Variants in ABHD5 observed in about 807,000 individuals in gnomAD.
ABHD5 encodes the protein 1-acylglycerol-3-phosphate O-acyltransferase ABHD5.
Under a neutral mutation model 44.9 loss-of-function variants are expected in ABHD5, and 30 were observed. The ratio of observed to expected loss-of-function variants is 0.67; its 90% confidence interval spans 0.50 to 0.91. ABHD5 has a LOEUF of 0.91. Among genes scored for constraint, ABHD5 ranks in the 40% least tolerant of loss-of-function variants. ABHD5 has a pLI of 0.00. For missense variants in ABHD5, 399 were observed against 423.4 expected (o/e 0.94, Z 0.50); for synonymous variants, 167 against 147.0 (o/e 1.14, Z -0.99).
intron 4 of ABHD5, 121 bp downstream of exon 4, chr3:43,711,984 T>G: frequency 1.5e-6 from 2 of 1,300,676 alleles, no homozygotes; most frequent in Non-Finnish European, 2.2e-6. Context: ...CTTTTTCTCC[T>G]CTTCCTCTAA....
chr3:43,703,439 A>G (rs1264831717), intron 3 of ABHD5, among the ~76,000 whole-genome samples: 3 of 152,224 alleles, frequency 2.0e-5, no homozygotes, highest in Admixed American at 6.5e-5. Context: ...TCGGCCTCCC[A>G]AAGTGCTGGG....
Position 43,711,829 on chromosome 3 carries a change from C to CAA in ABHD5, c.627_628insAA (p.Pro210AsnfsTer3). On this transcript the variant is annotated frameshift_variant, in exon 4 of 7. Coordinates refer to ENST00000644371, the MANE Select transcript of ABHD5 (RefSeq NM_016006.6). LOFTEE classifies it high-confidence loss of function. ...TGGGAGCAGCATTGACTCCCTTTAACCCTTTAGCTGGCCTAAGGATTGCAG... is the reference window on the plus strand; with the variant it reads ...TGGGAGCAGCATTGACTCCCTTTAACAACCTTTAGCTGGCCTAAGGATTGCAG... 1 of 1,614,168 alleles carries CAA rather than the reference C, an allele frequency of 6.2e-7. No individual in the cohort carries two copies. The highest frequency in any genetic ancestry group is 8.5e-7 in the Non-Finnish European group (1 of 1,180,026).
chr3:43,705,440 TTTC>T (rs2149598272), intron 3 of ABHD5, among the ~76,000 whole-genome samples: 1 of 152,212 alleles, frequency 6.6e-6, no homozygotes, highest in East Asian at 1.9e-4. Context: ...AGTGAGAATG[TTTC>T]TTCTAACATT....
At position 43,711,798 on chromosome 3, in the gene ABHD5, G is replaced by C; in HGVS notation, c.596G>C (p.Arg199Thr). Residue 199 changes from arginine to threonine, a missense_variant, in exon 4 of 7, where the codon AGA (arginine) becomes ACA (threonine). Arg to Thr is a moderately conservative substitution (Grantham distance 71). Transcript: ENST00000644371. Reference sequence around the variant, plus strand: ...GACAGACCAATTCCAGTTTGGATCAGAGCCTTGGGAGCAGCATTGACTCCC... The same window carrying C: ...GACAGACCAATTCCAGTTTGGATCACAGCCTTGGGAGCAGCATTGACTCCC... ...DQDRPIPVWI[R>T]ALGAALTPFN... The C allele has an allele frequency of 6.2e-7, 1 of 1,614,224 alleles. No individual in the cohort carries two copies. Among genetic ancestry groups the C allele is most frequent in the Non-Finnish European group, 8.5e-7 (1 of 1,180,040 alleles).
intron 4 of ABHD5, among the ~76,000 whole-genome samples, chr3:43,714,052 A>G (rs1389332370): frequency 1.3e-5 from 2 of 151,972 alleles, no homozygotes; most frequent in Non-Finnish European, 2.9e-5. Context: ...TGTGACTAGA[A>G]GAAAGCTTCT....
rs910162690 is a variant in ABHD5, at chr3:43,717,945, G to A, written c.960+88G>A. The stretch of plus-strand genomic sequence containing the variant: ...AAAAGAGGTTTTAGGTCATCCTCGT[G>A]TTGCAGGTCATCTGAGCCATACCTG... On this transcript the variant is annotated intron_variant, in intron 6 of 6. Transcript: ENST00000644371. The A allele has an allele frequency of 5.2e-6, 8 of 1,551,508 alleles. No individual in the cohort carries two copies. In the South Asian group the frequency reaches 7.9e-5, roughly 15 times the overall value.
At chr3:43,700,202 GA>G (rs1384546187) in intron 2 of ABHD5, among the ~76,000 whole-genome samples, 1 of 151,938 alleles carries the variant, frequency 6.6e-6, no homozygotes, top group Non-Finnish European at 1.5e-5. Context: ...TGGGTCCATA[GA>G]ATTCCTTCTA....
rs1176828390 is a variant in ABHD5, at chr3:43,718,312, AT to A, written c.961-125del. 3.4e-5 allele frequency: 27 copies of A among 797,682 alleles called. No individual in the cohort carries two copies. In the Middle Eastern group the frequency reaches 1.3e-3, roughly 39 times the overall value. The allele number at this position is 797,682 out of a possible 1,614,324, so 49.4% of individuals were successfully genotyped here. On this transcript the variant is annotated intron_variant, in intron 6 of 6. Coordinates refer to ENST00000644371, the MANE Select transcript of ABHD5 (RefSeq NM_016006.6). ...TTAATAGTTACTATAGATTATTGTT[AT>A]TTTTTAATCACGTGTTTTATTTAAA...
intron 7 of ABHD5, among the ~76,000 whole-genome samples, chr3:43,729,305 A>G (rs573734419): frequency 3.3e-5 from 5 of 152,358 alleles, no homozygotes; most frequent in South Asian, 2.1e-4. Flanking sequence ...GGGAAAGCAC[A>G]GTACTTTTAC....
At chr3:43,724,867 GAGA>G (rs1369061052), downstream of ABHD5, among the ~76,000 whole-genome samples, 1 of 152,166 alleles carries the variant, frequency 6.6e-6, no homozygotes, top group African/African-American at 2.4e-5. Flanking sequence ...GTTGGCTTTG[GAGA>G]AGGACAATTC....
chr3:43,692,804 G>A (rs972041342), intron 1 of ABHD5, among the ~76,000 whole-genome samples: 2 of 152,200 alleles, frequency 1.3e-5, no homozygotes, highest in Admixed American at 6.5e-5. Context: ...TGCTTACCCT[G>A]TATCCCTGCT....
chr3:43,693,087 A>G (rs2084421295), intron 1 of ABHD5, among the ~76,000 whole-genome samples: 1 of 152,222 alleles, frequency 6.6e-6, no homozygotes, highest in Non-Finnish European at 1.5e-5. Context: ...ATGAGAGTAG[A>G]GTAGACTTCT....
intron 6 of ABHD5, 38 bp from the exon 7 acceptor site, chr3:43,718,405 T>C (rs1314028098): frequency 6.5e-7 from 1 of 1,542,248 alleles, no homozygotes; most frequent in African/African-American, 1.4e-5. Context: ...ATTAAATGCT[T>C]TTACTCACTA....
chr3:43,691,679 G>A (rs917837491), intron 1 of ABHD5: 2 of 152,256 alleles, frequency 1.3e-5, no homozygotes, highest in Admixed American at 1.3e-4. Context: ...AGGGAAGTGG[G>A]TGTATGGCTG....
At chr3:43,732,650 T>G (rs1450232427) in intron 7 of ABHD5, among the ~76,000 whole-genome samples, 1 of 152,206 alleles carries the variant, frequency 6.6e-6, no homozygotes, top group Non-Finnish European at 1.5e-5. Context: ...TATGTAAAGG[T>G]AAGCACAATA....
intron 4 of ABHD5, 56 bp downstream of exon 4, chr3:43,711,919 A>T: frequency 6.2e-7 from 1 of 1,609,512 alleles, no homozygotes; most frequent in Non-Finnish European, 8.5e-7. Context: ...GAAGAGCAGA[A>T]TTCACTATTG....
rs78532050 is a variant in ABHD5 at position 43,713,322 on chromosome 3, CAAAAAAAA to C, written c.661+1472_661+1479del. 2.6e-3 allele frequency among the ~76,000 whole-genome samples: 121 copies of C among 46,890 alleles called. 1 individual carries two copies. Among genetic ancestry groups the C allele is most frequent in the Non-Finnish European group, 4.1e-3 (90 of 22,056 alleles). 30.8% of individuals were successfully genotyped at this position (46,890 alleles called of 152,430 possible). ...TGGGCAACAGTGCAAGACCCTGTCT[CAAAAAAAA>C]AAAAAAAAAAAAGGAAAAGAAAAGA... is the stretch of plus-strand genomic sequence containing the variant. On this transcript the variant is annotated intron_variant, in intron 4 of 6. Transcript: ENST00000644371.
intron 1 of ABHD5, among the ~76,000 whole-genome samples, chr3:43,695,742 TA>T (rs771793608): frequency 1.3e-5 from 2 of 152,338 alleles, no homozygotes; most frequent in South Asian, 4.1e-4. Flanking sequence ...TATGACATAA[TA>T]TTTTTTTAGA....
rs10433606 is a variant in ABHD5 at position 43,721,467 on chromosome 3, C to A, written c.*2935C>A. The A allele has an allele frequency of 0.05, 7,564 of 151,196 alleles. 279 individuals carry two copies. Among genetic ancestry groups the A allele is most frequent in the South Asian group, 0.12 (589 of 4,794 alleles). The allele number at this position is 151,196 out of a possible 1,614,324, so 9.4% of individuals were successfully genotyped here. A position where few individuals can be genotyped will look rare whatever the true frequency, so the allele number is the denominator to read the frequency against. On this transcript the variant is annotated 3_prime_UTR_variant, in exon 7 of 7. Coordinates refer to ENST00000644371, the MANE Select transcript of ABHD5 (RefSeq NM_016006.6). ...TTCAGCCAGATGGAATGGCTCATGG[C>A]TGTAATCCCAGCATTTTGGGAGGCT...
Sources: gnomAD v4.1 joint callset for allele counts (sites outside exome capture counted in the v4.1 genomes callset) on GRCh38, gnomAD v4.1.1 for gene constraint, MANE v1.5 for transcripts, NCBI Gene and HGNC (gene_info 2026-07-23, HGNC 2026-07-21) for gene names.